Variants in AGPAT4 observed in about 807,000 individuals in gnomAD.
The protein encoded by AGPAT4 is 1-acylglycerol-3-phosphate O-acyltransferase 4.
Under a neutral mutation model 48.0 loss-of-function variants are expected in AGPAT4, and 15 were observed. The observed-to-expected ratio is 0.31, with a 90% CI of 0.21 to 0.48. AGPAT4 has a LOEUF of 0.48. AGPAT4 is among the 20% of genes least tolerant of loss of function. AGPAT4 has a pLI of 0.99. For synonymous variants in AGPAT4, 178 were observed against 198.7 expected (o/e 0.90, Z 0.88); for missense variants, 314 against 482.5 (o/e 0.65, Z 3.27).
At chr6:161,188,531 G>C (rs1780832019) in intron 2 of AGPAT4, among the ~76,000 whole-genome samples, 1 of 152,092 alleles carries the variant, frequency 6.6e-6, no homozygotes, top group African/African-American at 2.4e-5. Context: ...TTGAATTTCA[G>C]ATAAATTACA....
At chr6:161,260,260 C>T (rs1279256426) in intron 1 of AGPAT4, among the ~76,000 whole-genome samples, 1 of 152,154 alleles carries the variant, frequency 6.6e-6, no homozygotes, top group Non-Finnish European at 1.5e-5. Context: ...TGAACACTGA[C>T]CAGTCCCAAG....
rs1398377569 is a variant in AGPAT4 at position 161,215,999 on chromosome 6, C to A, written c.178+16037G>T. The stretch of plus-strand genomic sequence containing the variant: ...AGAGCTGGAAAGCTGTCCAGGCTCA[C>A]ACATACTTGCCTCTCTTAACCGCAC... On this transcript the variant is annotated intron_variant, in intron 2 of 8. Transcript: ENST00000320285. This position sits in a 1 kb window ranked among gnomAD's most constrained non-coding sequence, Gnocchi z 4.5. Among the ~76,000 whole-genome samples the A allele has an allele frequency of 1.3e-5, 2 of 152,184 alleles. No individual in the cohort carries two copies. The highest frequency in any genetic ancestry group is 4.8e-5 in the African/African-American group (2 of 41,444).
In AGPAT4 at chr6:161,148,126, G is replaced by A. The variant is rs1779485895; in HGVS notation, c.767+1061C>T. On this transcript the variant is annotated intron_variant, in intron 6 of 8. Coordinates refer to ENST00000320285, the MANE Select transcript of AGPAT4 (RefSeq NM_020133.3). The surrounding 1 kb of genome is among the most constrained non-coding windows in gnomAD (Gnocchi z 5.5). ...TGGCCATTGAGTGGAGCTCCTGCCA[G>A]CTGTCAGAGAACATGGGGAATAAAA... Among the ~76,000 whole-genome samples, 1 of 152,238 alleles carries A rather than the reference G, an allele frequency of 6.6e-6. No individual in the cohort carries two copies.
chr6:161,142,353 A>G lies in AGPAT4; in HGVS notation c.844-2733T>C, dbSNP rs374355076. ...CTTGGTTGTGGACCCGTTTTGTAAT[A>G]AAATTTGCCCCGCAGGGAAAGGACT... On this transcript the variant is annotated intron_variant, in intron 7 of 8. Transcript: ENST00000320285. The surrounding 1 kb of genome is among the most constrained non-coding windows in gnomAD (Gnocchi z 6.4). 2.6e-5 allele frequency among the ~76,000 whole-genome samples: 4 copies of G among 152,262 alleles called. No homozygotes were observed. In the South Asian group the frequency reaches 6.2e-4, roughly 24 times the overall value.
At position 161,245,823 on chromosome 6, in the gene AGPAT4, A is replaced by AT. The variant is rs1464654388; in HGVS notation, c.-89-13522dup. Among the ~76,000 whole-genome samples, 2 of 152,226 alleles carry AT rather than the reference A, an allele frequency of 1.3e-5. No individual in the cohort carries two copies. The highest frequency in any genetic ancestry group is 3.9e-4 in the East Asian group (2 of 5,174). On this transcript the variant is annotated intron_variant, in intron 1 of 8. Coordinates refer to ENST00000320285, the MANE Select transcript of AGPAT4 (RefSeq NM_020133.3). This position sits in a 1 kb window ranked among gnomAD's most constrained non-coding sequence, Gnocchi z 5.2. Reference sequence around the variant, plus strand: ...GGATTTTAAATCTCTCATTTCTTTGATTTTCATAAAGGATGCCAAATGAAC... The same window carrying AT: ...GGATTTTAAATCTCTCATTTCTTTGATTTTTCATAAAGGATGCCAAATGAAC...
rs1161602765 is a variant in AGPAT4 at position 161,244,252 on chromosome 6, AAAG to A, written c.-89-11953_-89-11951del. On this transcript the variant is annotated intron_variant, in intron 1 of 8. Transcript: ENST00000320285. This position sits in a 1 kb window ranked among gnomAD's most constrained non-coding sequence, Gnocchi z 4.7. ...GGTCACAGTGCCGTCTGCCTCCCGCAAAGAAGCAGGAAGTCTTCCGGGCAGGGG... is the reference window on the plus strand; with the variant it reads ...GGTCACAGTGCCGTCTGCCTCCCGCAAAGCAGGAAGTCTTCCGGGCAGGGG... Among the ~76,000 whole-genome samples, 1 of 152,196 alleles carries A rather than the reference AAAG, an allele frequency of 6.6e-6. No individual in the cohort carries two copies. Among genetic ancestry groups the A allele is most frequent in the Admixed American group, 6.5e-5 (1 of 15,268 alleles).
In AGPAT4 at chr6:161,219,818, T is replaced by C. The variant is rs148780960; in HGVS notation, c.178+12218A>G. Among the ~76,000 whole-genome samples, 1,838 of 126,486 alleles carry C rather than the reference T, an allele frequency of 0.015. 23 individuals carry two copies. The highest frequency in any genetic ancestry group is 0.029 in the Middle Eastern group (7 of 242). 83.0% of individuals were successfully genotyped at this position (126,486 alleles called of 152,430 possible). The stretch of plus-strand genomic sequence containing the variant: ...GGACACAGATTCACAGTAAAAAAGA[T>C]AGACAGAGATAGATAGATAGATAGA... On this transcript the variant is annotated intron_variant, in intron 2 of 8. Transcript: ENST00000320285. This position sits in a 1 kb window ranked among gnomAD's most constrained non-coding sequence, Gnocchi z 4.9.
At chr6:161,207,828 G>C (rs1781418795) in intron 2 of AGPAT4, among the ~76,000 whole-genome samples, 1 of 152,158 alleles carries the variant, frequency 6.6e-6, no homozygotes, top group African/African-American at 2.4e-5. Flanking sequence ...AGTCCTAGGA[G>C]GAGGAGTTGC....
chr6:161,203,298 C>G (rs999986220), intron 2 of AGPAT4, among the ~76,000 whole-genome samples: 2 of 151,902 alleles, frequency 1.3e-5, no homozygotes, highest in African/African-American at 2.4e-5. Flanking sequence ...TAGTATGTAA[C>G]CCATGCTCAA....
rs562359619 is a variant in AGPAT4, at chr6:161,266,262, G to A, written c.-90+7676C>T. ...AGATTGAGAAACACCTCGCCCTCAAGGAATGTCACCCTTGAGGCCCTGGCC... is the reference window on the plus strand; with the variant it reads ...AGATTGAGAAACACCTCGCCCTCAAAGAATGTCACCCTTGAGGCCCTGGCC... On this transcript the variant is annotated intron_variant, in intron 1 of 8. Transcript: ENST00000320285. The surrounding 1 kb of genome is among the most constrained non-coding windows in gnomAD (Gnocchi z 6.2). Among the ~76,000 whole-genome samples the A allele has an allele frequency of 4.8e-4, 73 of 152,296 alleles. 1 individual carries two copies. Among genetic ancestry groups the A allele is most frequent in the African/African-American group, 1.3e-3 (55 of 41,562 alleles).
In AGPAT4 at chr6:161,184,203, C is replaced by T. The variant is rs910770989; in HGVS notation, c.179-17786G>A. 2.6e-5 allele frequency among the ~76,000 whole-genome samples: 4 copies of T among 151,476 alleles called. No individual in the cohort carries two copies. Among genetic ancestry groups the T allele is most frequent in the African/African-American group, 9.7e-5 (4 of 41,198 alleles). On this transcript the variant is annotated intron_variant, in intron 2 of 8. Coordinates refer to ENST00000320285, the MANE Select transcript of AGPAT4 (RefSeq NM_020133.3). This position sits in a 1 kb window ranked among gnomAD's most constrained non-coding sequence, Gnocchi z 4.8. ...GGAAGGCAGGTGTTGAAGCAGGCTA[C>T]TGCAGTCAGCCCAACAGGGGTGGTG...
In AGPAT4 at chr6:161,189,732, C is replaced by T. The variant is rs890321967; in HGVS notation, c.179-23315G>A. Reference sequence around the variant, plus strand: ...CTCCACCTGCCCCTTCCTCACCCACCGCCCTCCTAACCCCTCTCTCCTCCA... The same window carrying T: ...CTCCACCTGCCCCTTCCTCACCCACTGCCCTCCTAACCCCTCTCTCCTCCA... On this transcript the variant is annotated intron_variant, in intron 2 of 8. Transcript: ENST00000320285. This position sits in a 1 kb window ranked among gnomAD's most constrained non-coding sequence, Gnocchi z 5.3. 3.9e-5 allele frequency among the ~76,000 whole-genome samples: 6 copies of T among 152,144 alleles called. No individual in the cohort carries two copies. Among genetic ancestry groups the T allele is most frequent in the South Asian group, 4.2e-4 (2 of 4,816 alleles).
intron 2 of AGPAT4, among the ~76,000 whole-genome samples, chr6:161,211,095 G>A (rs1489126502): frequency 3.3e-5 from 5 of 152,122 alleles, no homozygotes; most frequent in African/African-American, 7.2e-5. Context: ...TCTTTTTCAC[G>A]GTCTCAGTTA....
chr6:161,162,466 T>C (rs1381074651), intron 3 of AGPAT4, among the ~76,000 whole-genome samples: 1 of 152,172 alleles, frequency 6.6e-6, no homozygotes, highest in Non-Finnish European at 1.5e-5. Context: ...CACTGTGTTT[T>C]AAAACAAGCC....
chr6:161,154,462 C>A lies in AGPAT4; in HGVS notation c.349-152G>T. 1 of 864,766 alleles carries A rather than the reference C, an allele frequency of 1.2e-6. No individual in the cohort carries two copies. Among genetic ancestry groups the A allele is most frequent in the Non-Finnish European group, 1.7e-6 (1 of 576,666 alleles). The allele number at this position is 864,766 out of a possible 1,614,324, so 53.6% of individuals were successfully genotyped here. On this transcript the variant is annotated intron_variant, in intron 3 of 8. Transcript: ENST00000320285. This position sits in a 1 kb window ranked among gnomAD's most constrained non-coding sequence, Gnocchi z 7.8. ...AACACATGCTGTCGAGGCCATGGAC[C>A]CTGGTGCCCTCCCCACCTTTCAGCT...
rs1779503562 is a variant in AGPAT4, at chr6:161,148,589, C to T, written c.767+598G>A. Among the ~76,000 whole-genome samples the T allele has an allele frequency of 2.6e-5, 4 of 152,158 alleles. No homozygotes were observed. Among genetic ancestry groups the T allele is most frequent in the Non-Finnish European group, 4.4e-5 (3 of 68,034 alleles). Reference sequence around the variant, plus strand: ...CAACAAACCAATACGGTCCCTGACCCGTCACACTGGGTTTTAATGCATGAA... The same window carrying T: ...CAACAAACCAATACGGTCCCTGACCTGTCACACTGGGTTTTAATGCATGAA... On this transcript the variant is annotated intron_variant, in intron 6 of 8. Coordinates refer to ENST00000320285, the MANE Select transcript of AGPAT4 (RefSeq NM_020133.3). The surrounding 1 kb of genome is among the most constrained non-coding windows in gnomAD (Gnocchi z 5.5).
rs905798476 is a variant in AGPAT4, at chr6:161,148,221, A to T, written c.767+966T>A. ...AGGTGGGTGATTCTCCTGCCTTCAT[A>T]TGCCACAGAACTGAGTCACAGGGCA... On this transcript the variant is annotated intron_variant, in intron 6 of 8. Transcript: ENST00000320285. The surrounding 1 kb of genome is among the most constrained non-coding windows in gnomAD (Gnocchi z 5.5). 6.6e-6 allele frequency among the ~76,000 whole-genome samples: 1 copy of T among 152,188 alleles called. No homozygotes were observed. The highest frequency in any genetic ancestry group is 1.5e-5 in the Non-Finnish European group (1 of 68,032).
At position 161,261,518 on chromosome 6, in the gene AGPAT4, C is replaced by G. The variant is rs1783099297; in HGVS notation, c.-90+12420G>C. On this transcript the variant is annotated intron_variant, in intron 1 of 8. Transcript: ENST00000320285. The surrounding 1 kb of genome is among the most constrained non-coding windows in gnomAD (Gnocchi z 5.3). ...TCACCACACTGCTCCAGGGAAACGC[C>G]CGGCTCACGGCTGACTCATGATGGG... Among the ~76,000 whole-genome samples, 1 of 152,184 alleles carries G rather than the reference C, an allele frequency of 6.6e-6. No homozygotes were observed. Among genetic ancestry groups the G allele is most frequent in the African/African-American group, 2.4e-5 (1 of 41,434 alleles).
In AGPAT4 at chr6:161,267,352, G is replaced by A. The variant is rs1783295867; in HGVS notation, c.-90+6586C>T. 6.6e-6 allele frequency among the ~76,000 whole-genome samples: 1 copy of A among 152,106 alleles called. No homozygotes were observed. Among genetic ancestry groups the A allele is most frequent in the Non-Finnish European group, 1.5e-5 (1 of 68,028 alleles). ...TACCCTTTCTTGCAGTAATTTTGCTGTTCTTAACAACTGGGATGAAAGGCA... is the reference window on the plus strand; with the variant it reads ...TACCCTTTCTTGCAGTAATTTTGCTATTCTTAACAACTGGGATGAAAGGCA... On this transcript the variant is annotated intron_variant, in intron 1 of 8. Transcript: ENST00000320285. The surrounding 1 kb of genome is among the most constrained non-coding windows in gnomAD (Gnocchi z 5.2).
Sources: gnomAD v4.1 joint callset for allele counts (sites outside exome capture counted in the v4.1 genomes callset) on GRCh38, gnomAD v4.1.1 for gene constraint, Gnocchi (gnomAD v3.1) non-coding constraint, MANE v1.5 for transcripts, NCBI Gene and HGNC (gene_info 2026-07-23, HGNC 2026-07-21) for gene names.